The following CCSER1 variants were observed in gnomAD, a reference collection of about 807,000 sequenced individuals.
The protein encoded by CCSER1 is serine-rich coiled-coil domain-containing protein 1.
In CCSER1, 41 loss-of-function variants were observed where a neutral mutation model predicts 82.0. The ratio of observed to expected loss-of-function variants is 0.50; its 90% CI spans 0.39 to 0.65. CCSER1 has a LOEUF of 0.65. Ranked by LOEUF, CCSER1 falls within the 30% of genes least tolerant of loss-of-function variation. The pLI, the probability that CCSER1 is intolerant of heterozygous loss-of-function variation, is 0.00. For synonymous variants in CCSER1, 414 were observed against 383.9 expected (o/e 1.08, Z -0.92); for missense variants, 1,119 against 1,064.2 (o/e 1.05, Z -0.72).
At chr4:90,649,289 G>A (rs993082452) in intron 6 of CCSER1, among the ~76,000 whole-genome samples, 1 of 152,116 alleles carries the variant, frequency 6.6e-6, no homozygotes, top group Admixed American at 6.5e-5. Context: ...GAGAGAGGCT[G>A]AAGATTATAT....
At chr4:91,174,579 A>G (rs1351058373) in intron 10 of CCSER1, among the ~76,000 whole-genome samples, 1 of 152,052 alleles carries the variant, frequency 6.6e-6, no homozygotes, top group Non-Finnish European at 1.5e-5. Context: ...CCCCACATGC[A>G]TTAGGTATTT....
chr4:91,246,374 C>T (rs1739774834), intron 10 of CCSER1, among the ~76,000 whole-genome samples: 1 of 151,720 alleles, frequency 6.6e-6, no homozygotes. Context: ...AACAGATACA[C>T]AAAAAATTAA....
intron 5 of CCSER1, among the ~76,000 whole-genome samples, chr4:90,562,363 C>G (rs540969321): frequency 6.6e-6 from 1 of 152,138 alleles, no homozygotes; most frequent in South Asian, 2.1e-4. Context: ...TCCACTCTTT[C>G]CAATAAACGT....
chr4:90,326,925 A>T (rs936448823), intron 3 of CCSER1, among the ~76,000 whole-genome samples: 1 of 152,202 alleles, frequency 6.6e-6, no homozygotes, highest in Non-Finnish European at 1.5e-5. Flanking sequence ...TACAGCATAG[A>T]TGGACATTTT....
intron 7 of CCSER1, among the ~76,000 whole-genome samples, chr4:90,792,832 C>T (rs997611499): frequency 6.6e-6 from 1 of 152,122 alleles, no homozygotes; most frequent in Non-Finnish European, 1.5e-5. Flanking sequence ...CTTCCAAGGG[C>T]TCTGGGGAAT....
chr4:91,245,215 G>T (rs1210365522), intron 10 of CCSER1, among the ~76,000 whole-genome samples: 1 of 152,088 alleles, frequency 6.6e-6, no homozygotes, highest in Non-Finnish European at 1.5e-5. Flanking sequence ...AGATATAGTG[G>T]TATAAAGCTT....
intron 10 of CCSER1, among the ~76,000 whole-genome samples, chr4:91,510,458 G>A (rs7677760): frequency 0.7 from 106,182 of 151,994 alleles, 37,252 homozygotes; most frequent in Middle Eastern, 0.73. Context: ...CCAGTATAAA[G>A]GCATTCATTT....
intron 9 of CCSER1, among the ~76,000 whole-genome samples, chr4:90,932,387 T>A (rs1043471826): frequency 6.6e-6 from 1 of 152,154 alleles, no homozygotes; most frequent in African/African-American, 2.4e-5. Context: ...TAATATAGAG[T>A]AACTTTCTGA....
intron 10 of CCSER1, among the ~76,000 whole-genome samples, chr4:91,448,355 G>A (rs1283034990): frequency 6.6e-6 from 1 of 151,672 alleles, no homozygotes; most frequent in Non-Finnish European, 1.5e-5. Flanking sequence ...TGTAACTCAG[G>A]GAATTTCATT....
At chr4:91,008,814 A>G (rs1008865704) in intron 9 of CCSER1, among the ~76,000 whole-genome samples, 1 of 152,216 alleles carries the variant, frequency 6.6e-6, no homozygotes, top group Non-Finnish European at 1.5e-5. Context: ...GCTGCTTCCA[A>G]GATGGTGGCA....
chr4:90,450,501 G>C (rs549875220), intron 4 of CCSER1, among the ~76,000 whole-genome samples: 2 of 152,190 alleles, frequency 1.3e-5, no homozygotes, highest in African/African-American at 4.8e-5. Context: ...AACAGTAAGC[G>C]TAGGGTATCC....
intron 4 of CCSER1, among the ~76,000 whole-genome samples, chr4:90,417,477 A>T (rs1439687880): frequency 6.6e-6 from 1 of 151,572 alleles, no homozygotes; most frequent in Middle Eastern, 3.2e-3. Flanking sequence ...AAATTAAATT[A>T]AAAATATATC....
In CCSER1 at chr4:91,212,876, C is replaced by T. The variant is rs144116899; in HGVS notation, c.2217+126882C>T. Among the ~76,000 whole-genome samples, 421 of 152,046 alleles carry T rather than the reference C, an allele frequency of 2.8e-3. 2 individuals are homozygous for T. Among genetic ancestry groups the T allele is most frequent in the East Asian group, 0.011 (56 of 5,162 alleles). ...AGTACCCAATAGGTAGTTTTTCAGC[C>T]CTTGCCCACCTCCTTCTCTCCCTAC... is the stretch of plus-strand genomic sequence containing the variant. On this transcript the variant is annotated intron_variant, in intron 10 of 10. Transcript: ENST00000509176.
At chr4:91,485,311 C>CG (rs755498677) in intron 10 of CCSER1, among the ~76,000 whole-genome samples, 1 of 151,988 alleles carries the variant, frequency 6.6e-6, no homozygotes, top group Non-Finnish European at 1.5e-5. Flanking sequence ...ACTCAAATGT[C>CG]GGGGAAAATA....
At chr4:90,800,607 G>A (rs1220305287) in intron 7 of CCSER1, among the ~76,000 whole-genome samples, 1 of 152,188 alleles carries the variant, frequency 6.6e-6, no homozygotes, top group Non-Finnish European at 1.5e-5. Flanking sequence ...ATGCCAGTGA[G>A]ACAGTGTAAG....
At chr4:91,235,514 T>G (rs1738932579) in intron 10 of CCSER1, among the ~76,000 whole-genome samples, 1 of 152,206 alleles carries the variant, frequency 6.6e-6, no homozygotes, top group Non-Finnish European at 1.5e-5. Flanking sequence ...AAATTTTATT[T>G]TGTTTGTTCT....
At chr4:90,135,089 T>C (rs895580755) in intron 1 of CCSER1, among the ~76,000 whole-genome samples, 1 of 152,214 alleles carries the variant, frequency 6.6e-6, no homozygotes, top group African/African-American at 2.4e-5. Context: ...GAACTCTAAC[T>C]TGAGCCTTAA....
intron 4 of CCSER1, among the ~76,000 whole-genome samples, chr4:90,439,642 A>G (rs1046229990): frequency 2.0e-5 from 3 of 152,208 alleles, no homozygotes; most frequent in African/African-American, 7.2e-5. Context: ...AAAAAAGTAC[A>G]GGACAAACTG....
intron 6 of CCSER1, among the ~76,000 whole-genome samples, chr4:90,630,924 C>T (rs576586846): frequency 5.1e-4 from 76 of 148,980 alleles, no homozygotes; most frequent in African/African-American, 1.8e-3. Flanking sequence ...GATGGAGTCT[C>T]GCTCTGTCAC....
Sources: gnomAD v4.1 joint callset for allele counts (sites outside exome capture counted in the v4.1 genomes callset) on GRCh38, gnomAD v4.1.1 for gene constraint, MANE v1.5 for transcripts, NCBI Gene and HGNC (gene_info 2026-07-23, HGNC 2026-07-21) for gene names.